RSPH14: variants seen among roughly 807,000 people sequenced by gnomAD.
RSPH14 encodes the protein rhabdoid tumor deletion region gene 1.
In RSPH14, 20 loss-of-function variants were observed where a neutral mutation model predicts 26.7. That is an observed-to-expected ratio of 0.75 (90% CI 0.53 to 1.09). The LOEUF is 1.09. Among genes scored for constraint, RSPH14 ranks in the 50% least tolerant of loss-of-function variants. RSPH14 has a pLI of 0.00. For missense variants in RSPH14, 449 were observed against 457.2 expected (o/e 0.98, Z 0.16); for synonymous variants, 177 against 189.3 (o/e 0.93, Z 0.53).
At chr22:23,148,491 G>A (rs796360371), upstream of RSPH14, among the ~76,000 whole-genome samples, 11 of 152,150 alleles carry the variant, frequency 7.2e-5, no homozygotes, top group South Asian at 4.1e-4. Flanking sequence ...TGACCTGGCC[G>A]TGTCTGGCTC....
At chr22:23,150,176 T>A in the RSPH14 span, 1 of 1,582,848 alleles carries the variant, frequency 6.3e-7, no homozygotes, top group South Asian at 1.1e-5. Flanking sequence ...GGGTGTGGGA[T>A]GGGGGAGCAG....
At chr22:23,095,935 G>T (rs143475223) in intron 4 of RSPH14, 3 of 1,612,936 alleles carry the variant, frequency 1.9e-6, no homozygotes, top group South Asian at 2.2e-5. Context: ...CCATCGACTC[G>T]CTGACCCGCA....
At chr22:23,114,747 A>G (rs1207992379) in intron 4 of RSPH14, among the ~76,000 whole-genome samples, 1 of 152,218 alleles carries the variant, frequency 6.6e-6, no homozygotes, top group Non-Finnish European at 1.5e-5. Context: ...AACAGCTGGC[A>G]GAGCAGGAGG....
At chr22:23,095,614 T>A in intron 4 of RSPH14, 1 of 1,476,358 alleles carries the variant, frequency 6.8e-7, no homozygotes, top group Non-Finnish European at 9.1e-7. Context: ...GGCTCTTGTC[T>A]GCCTGGTCTC....
rs2070095213 is a variant in RSPH14, at chr22:23,123,661, C to G, written c.421+10365G>C. 18 of 556,570 alleles carry G rather than the reference C, an allele frequency of 3.2e-5. No individual in the cohort carries two copies. In the South Asian group the frequency reaches 4.2e-4, roughly 13 times the overall value. The allele number at this position is 556,570 out of a possible 1,614,324, so 34.5% of individuals were successfully genotyped here. A position where few individuals can be genotyped will look rare whatever the true frequency, so the allele number is the denominator to read the frequency against. ...TGCACACACACACATCTGGAGATGG[C>G]AAAATCCTCTAAAATGTCGAGGTCT... On this transcript the variant is annotated intron_variant, in intron 4 of 6. Coordinates refer to ENST00000216036, the MANE Select transcript of RSPH14 (RefSeq NM_014433.3).
chr22:23,125,586 C>T (rs1239857049), intron 4 of RSPH14, among the ~76,000 whole-genome samples: 4 of 152,160 alleles, frequency 2.6e-5, no homozygotes, highest in Non-Finnish European at 2.9e-5. Context: ...GTGCATTCAC[C>T]GAGGGCCTGC....
intron 4 of RSPH14, among the ~76,000 whole-genome samples, chr22:23,083,640 A>G (rs1382318618): frequency 6.6e-6 from 1 of 152,098 alleles, no homozygotes; most frequent in African/African-American, 2.4e-5. Flanking sequence ...CACACAAGCC[A>G]TTGGAGGCGA....
the RSPH14 span, among the ~76,000 whole-genome samples, chr22:23,167,200 G>A: frequency 6.6e-6 from 1 of 152,142 alleles, no homozygotes; most frequent in East Asian, 1.9e-4. Flanking sequence ...CTCTCAGTCA[G>A]TTGCCCCAGC....
chr22:23,067,445 G>A (rs2068236640), intron 4 of RSPH14, among the ~76,000 whole-genome samples: 1 of 152,218 alleles, frequency 6.6e-6, no homozygotes, highest in Non-Finnish European at 1.5e-5. Flanking sequence ...TTAGGGGACT[G>A]CACATCCACA....
At chr22:23,130,155 GAA>G (rs1054478314) in intron 4 of RSPH14, among the ~76,000 whole-genome samples, 332 of 121,620 alleles carry the variant, frequency 2.7e-3, no homozygotes, top group Middle Eastern at 5.4e-3. Context: ...AAGAAAGAAA[GAA>G]AGAAAAAGAA....
the RSPH14 span, chr22:23,153,221 G>C: frequency 9.9e-7 from 1 of 1,014,266 alleles, no homozygotes. Flanking sequence ...CTGTGTCCAT[G>C]TCAAGGAGGA....
upstream of RSPH14, chr22:23,145,346 C>T (rs1476441): frequency 0.11 from 176,033 of 1,599,056 alleles, 10,660 homozygotes; most frequent in Admixed American, 0.17. Flanking sequence ...CGCCCAGACT[C>T]CAGGCAGGTT....
At chr22:23,144,861 CG>C (rs144747493), upstream of RSPH14, 772 of 153,960 alleles carry the variant, frequency 5.0e-3, 6 homozygotes, top group African/African-American at 0.017. Flanking sequence ...GCTGGTTCCA[CG>C]GTTTTATAAG....
intron 4 of RSPH14, among the ~76,000 whole-genome samples, chr22:23,090,187 T>G (rs1174096984): frequency 6.6e-6 from 1 of 151,930 alleles, no homozygotes. Flanking sequence ...CAGCTGACAG[T>G]CCCCCTTTCC....
At chr22:23,111,905 G>C (rs58494256) in intron 4 of RSPH14, among the ~76,000 whole-genome samples, 1 of 152,316 alleles carries the variant, frequency 6.6e-6, no homozygotes, top group East Asian at 1.9e-4. Flanking sequence ...CAAACCAGAG[G>C]TGTCTGATCA....
At chr22:23,092,330 C>T (rs1255809600) in intron 4 of RSPH14, among the ~76,000 whole-genome samples, 1 of 152,182 alleles carries the variant, frequency 6.6e-6, no homozygotes, top group Non-Finnish European at 1.5e-5. Flanking sequence ...CAACGCAAGG[C>T]TTCCTTACAT....
At chr22:23,133,340 A>G (rs1200736790) in intron 4 of RSPH14, among the ~76,000 whole-genome samples, 1 of 152,250 alleles carries the variant, frequency 6.6e-6, no homozygotes, top group African/African-American at 2.4e-5. Flanking sequence ...AAAAGTAGCT[A>G]CAAGCAAGAT....
chr22:23,155,815 G>A, the RSPH14 span, among the ~76,000 whole-genome samples: 1 of 152,214 alleles, frequency 6.6e-6, no homozygotes, highest in Non-Finnish European at 1.5e-5. Flanking sequence ...CTGGGGGTAG[G>A]GACATCTGGC....
the RSPH14 span, chr22:23,159,358 C>A: frequency 9.1e-7 from 1 of 1,094,400 alleles, no homozygotes; most frequent in Non-Finnish European, 1.3e-6. Context: ...GTCGTCTGTT[C>A]CCTCTGTGGC....
Sources: allele counts gnomAD v4.1 joint callset (sites outside exome capture counted in the v4.1 genomes callset), GRCh38; gene constraint gnomAD v4.1.1; transcripts MANE v1.5; gene names NCBI Gene and HGNC (gene_info 2026-07-23, HGNC 2026-07-21).